Variants in NTM observed in about 807,000 individuals in gnomAD.
The protein encoded by NTM is IgLON family member 2.
NTM carries 13 observed loss-of-function variants against 42.1 expected under a neutral mutation model. The ratio of observed to expected loss-of-function variants is 0.31; its 90% CI spans 0.20 to 0.49. NTM has a LOEUF of 0.49. Ranked by LOEUF, NTM falls within the 20% of genes least tolerant of loss-of-function variation. The pLI, the probability that NTM is intolerant of heterozygous loss-of-function variation, is 0.99. For synonymous variants in NTM, 187 were observed against 179.2 expected (o/e 1.04, Z -0.35); for missense variants, 373 against 452.8 (o/e 0.82, Z 1.60).
intron 1 of NTM, among the ~76,000 whole-genome samples, chr11:131,815,625 A>G (rs2092920590): frequency 6.6e-6 from 1 of 151,890 alleles, no homozygotes; most frequent in Non-Finnish European, 1.5e-5. Context: ...CCCAACCCCC[A>G]CTTCCCCCCT....
chr11:131,422,936 T>G (rs1437123784), intron 1 of NTM, among the ~76,000 whole-genome samples: 4 of 152,254 alleles, frequency 2.6e-5, no homozygotes, highest in Non-Finnish European at 5.9e-5. Flanking sequence ...TGAAGTAGTC[T>G]GCAAACAGAA....
At chr11:132,001,183 A>T (rs538211014) in intron 2 of NTM, among the ~76,000 whole-genome samples, 10 of 152,338 alleles carry the variant, frequency 6.6e-5, no homozygotes, top group South Asian at 2.1e-4. Flanking sequence ...AAAGTAGGGC[A>T]TTGTGGTCCC....
intron 1 of NTM, among the ~76,000 whole-genome samples, chr11:131,787,214 AAC>A (rs1489759565): frequency 1.3e-5 from 2 of 151,874 alleles, no homozygotes; most frequent in African/African-American, 4.8e-5. Flanking sequence ...GGGATAAAAC[AAC>A]AGTTTATTAT....
chr11:131,667,009 C>T (rs2069180213), intron 1 of NTM, among the ~76,000 whole-genome samples: 1 of 152,174 alleles, frequency 6.6e-6, no homozygotes, highest in Admixed American at 6.5e-5. Context: ...GGGACCCTAG[C>T]AGAAGGGGAG....
At chr11:132,110,377 C>T (rs78615996) in intron 2 of NTM, among the ~76,000 whole-genome samples, 1 of 152,186 alleles carries the variant, frequency 6.6e-6, no homozygotes, top group African/African-American at 2.4e-5. Flanking sequence ...CATGTCTTAT[C>T]TCTGCCAAGG....
At chr11:132,299,424 G>A (rs559700312) in intron 4 of NTM, among the ~76,000 whole-genome samples, 36 of 152,336 alleles carry the variant, frequency 2.4e-4, no homozygotes, top group African/African-American at 8.7e-4. Flanking sequence ...GCAAGGTGGA[G>A]GAGCCCAGGA....
chr11:132,214,822 G>A (rs567292051), intron 4 of NTM, among the ~76,000 whole-genome samples: 4 of 152,330 alleles, frequency 2.6e-5, no homozygotes, highest in Admixed American at 2.0e-4. Context: ...CAAGGAAAGA[G>A]GAGCAGGACA....
intron 2 of NTM, among the ~76,000 whole-genome samples, chr11:132,082,829 C>A (rs1466158123): frequency 6.6e-6 from 1 of 152,096 alleles, no homozygotes; most frequent in Admixed American, 6.6e-5. Flanking sequence ...AGTTTGATAG[C>A]CTGAAGCCAA....
chr11:131,823,508 G>A (rs565492601), intron 1 of NTM, among the ~76,000 whole-genome samples: 3 of 152,226 alleles, frequency 2.0e-5, no homozygotes, highest in South Asian at 4.2e-4. Context: ...CCTGTGGCCA[G>A]CATTCTAATT....
At chr11:132,249,549 T>C (rs2091682742) in intron 4 of NTM, among the ~76,000 whole-genome samples, 1 of 152,226 alleles carries the variant, frequency 6.6e-6, no homozygotes, top group African/African-American at 2.4e-5. Context: ...AATTGTCTCT[T>C]GAGTCAGGTT....
intron 2 of NTM, among the ~76,000 whole-genome samples, chr11:132,004,634 T>TCTCTCTCTCTCTCTCTCA (rs1296009968): frequency 1.9e-5 from 2 of 104,536 alleles, no homozygotes; most frequent in Admixed American, 9.6e-5. Flanking sequence ...TCTCTCTCTC[T>TCTCTCTCTCTCTCTCTCA]CACACACACA....
At chr11:132,191,347 A>G (rs139444572) in intron 3 of NTM, among the ~76,000 whole-genome samples, 1,639 of 152,268 alleles carry the variant, frequency 0.011, 18 homozygotes, top group South Asian at 0.025. Context: ...CCTCAAGGAG[A>G]CAGAGGACAA....
intron 4 of NTM, among the ~76,000 whole-genome samples, chr11:132,221,846 C>T (rs907924182): frequency 3.9e-5 from 6 of 152,096 alleles, no homozygotes; most frequent in Non-Finnish European, 7.4e-5. Context: ...AAATACTAAA[C>T]GGCAAAGGTG....
intron 1 of NTM, among the ~76,000 whole-genome samples, chr11:131,601,631 T>A (rs1027016038): frequency 6.6e-6 from 1 of 151,998 alleles, no homozygotes; most frequent in African/African-American, 2.4e-5. Context: ...GTAGTTCTGA[T>A]TCCACAGGGA....
At chr11:132,285,863 C>G (rs575457910) in intron 4 of NTM, among the ~76,000 whole-genome samples, 8 of 152,302 alleles carry the variant, frequency 5.3e-5, no homozygotes, top group African/African-American at 1.9e-4. Context: ...CAATTCAAGG[C>G]ACAGTCCAGC....
chr11:131,682,862 T>C (rs913885795), intron 1 of NTM, among the ~76,000 whole-genome samples: 20 of 151,940 alleles, frequency 1.3e-4, no homozygotes, highest in African/African-American at 4.8e-4. Context: ...CGCTGTTTCC[T>C]GGGAAGCATG....
At chr11:131,814,762 A>G (rs2092879778) in intron 1 of NTM, among the ~76,000 whole-genome samples, 1 of 151,970 alleles carries the variant, frequency 6.6e-6, no homozygotes, top group South Asian at 2.1e-4. Context: ...AGCCTAATCC[A>G]CCACCTCTGC....
At chr11:131,507,104 T>C (rs148084140) in intron 1 of NTM, among the ~76,000 whole-genome samples, 30 of 152,306 alleles carry the variant, frequency 2.0e-4, no homozygotes, top group Non-Finnish European at 2.8e-4. Flanking sequence ...ATCAGAAGGA[T>C]TGAAGGGCAA....
intron 2 of NTM, among the ~76,000 whole-genome samples, chr11:131,974,455 A>C (rs549744738): frequency 6.6e-6 from 1 of 152,236 alleles, no homozygotes; most frequent in African/African-American, 2.4e-5. Context: ...GAGCATTTGC[A>C]TATTTATAAT....
Sources: allele counts gnomAD v4.1 joint callset (sites outside exome capture counted in the v4.1 genomes callset), GRCh38; gene constraint gnomAD v4.1.1; transcripts MANE v1.5; gene names NCBI Gene and HGNC (gene_info 2026-07-23, HGNC 2026-07-21).